Variants in KCNN2 observed in about 807,000 individuals in gnomAD.
KCNN2 encodes small conductance calcium-activated potassium channel protein 2.
Under a neutral mutation model 55.5 loss-of-function variants are expected in KCNN2, and 24 were observed. The observed-to-expected ratio is 0.43, with a 90% confidence interval of 0.31 to 0.61. KCNN2 has a LOEUF of 0.61. KCNN2 is among the 20% of genes least tolerant of loss of function. The probability of loss-of-function intolerance (pLI) is 0.08; values close to 1 mark genes in which losing one functional copy is unlikely to be tolerated. For synonymous variants in KCNN2, 431 were observed against 336.1 expected (o/e 1.28, Z -3.09); for missense variants, 754 against 853.6 (o/e 0.88, Z 1.45).
At chr5:114,372,235 A>G (rs2150051304) in intron 2 of KCNN2, among the ~76,000 whole-genome samples, 1 of 152,012 alleles carries the variant, frequency 6.6e-6, no homozygotes, top group African/African-American at 2.4e-5. Context: ...GACACATTTG[A>G]CTCTTCTTTC....
At chr5:114,202,664 G>A (rs1210709816) in intron 1 of KCNN2, among the ~76,000 whole-genome samples, 3 of 144,352 alleles carry the variant, frequency 2.1e-5, no homozygotes, top group Non-Finnish European at 4.5e-5. Flanking sequence ...TCGGCTCACT[G>A]CAAGCTCCTC....
At chr5:114,360,065 G>T (rs1288322069), upstream of KCNN2, among the ~76,000 whole-genome samples, 1 of 152,080 alleles carries the variant, frequency 6.6e-6, no homozygotes, top group Non-Finnish European at 1.5e-5. Flanking sequence ...AAAACAAAAT[G>T]CTGTCTCTGA....
At chr5:114,257,034 T>C (rs957682885) in intron 2 of KCNN2, among the ~76,000 whole-genome samples, 1 of 152,238 alleles carries the variant, frequency 6.6e-6, no homozygotes, top group Non-Finnish European at 1.5e-5. Context: ...AGTTAATTTC[T>C]GTATATGGTG....
chr5:114,240,526 G>A (rs1754596745), intron 2 of KCNN2, among the ~76,000 whole-genome samples: 1 of 149,774 alleles, frequency 6.7e-6, no homozygotes. Context: ...CACTTTCCCA[G>A]TTTCAAACAA....
intron 2 of KCNN2, among the ~76,000 whole-genome samples, chr5:114,247,202 CAAA>C (rs370172975): frequency 2.9e-5 from 2 of 68,094 alleles, no homozygotes; most frequent in African/African-American, 5.8e-5. Context: ...CATATGTCTC[CAAA>C]AAAAAAAAAA....
intron 1 of KCNN2, among the ~76,000 whole-genome samples, chr5:114,201,102 A>G (rs961064391): frequency 6.6e-5 from 10 of 151,896 alleles, no homozygotes; most frequent in African/African-American, 2.4e-4. Context: ...TGATGGCTGT[A>G]GCAGCTGTGG....
At chr5:114,081,119 T>C (rs558273902) in intron 1 of KCNN2, among the ~76,000 whole-genome samples, 158 of 152,194 alleles carry the variant, frequency 1.0e-3, no homozygotes, top group Middle Eastern at 0.01. Flanking sequence ...ACCTATACAA[T>C]GAAAGTTACA....
intron 2 of KCNN2, among the ~76,000 whole-genome samples, chr5:114,396,112 G>T (rs540983655): frequency 2.0e-5 from 3 of 151,994 alleles, no homozygotes; most frequent in Non-Finnish European, 2.9e-5. Flanking sequence ...ACCACCATCC[G>T]CTGTGTTTCT....
At chr5:114,246,428 A>G (rs1214924136) in intron 2 of KCNN2, among the ~76,000 whole-genome samples, 2 of 152,166 alleles carry the variant, frequency 1.3e-5, no homozygotes, top group Non-Finnish European at 2.9e-5. Flanking sequence ...ATGGTTATGA[A>G]TACTTATCTA....
chr5:114,278,405 G>A (rs1755537627), intron 2 of KCNN2, among the ~76,000 whole-genome samples: 1 of 152,222 alleles, frequency 6.6e-6, no homozygotes, highest in Non-Finnish European at 1.5e-5. Flanking sequence ...GGACATTTAA[G>A]TCTGGAGAAG....
chr5:114,362,562 G>C lies in KCNN2; in HGVS notation c.423G>C (p.Gln141His), dbSNP rs998716846. 8 of 622,922 alleles carry C rather than the reference G, an allele frequency of 1.3e-5. No homozygotes were observed. Among genetic ancestry groups the C allele is most frequent in the African/African-American group, 9.8e-5 (5 of 50,886 alleles). 38.6% of individuals were successfully genotyped at this position (622,922 alleles called of 1,614,324 possible). Residue 141 changes from glutamine (Q) to histidine (H), a missense_variant, in exon 1 of 8, where the codon CAG becomes CAC. By Grantham distance (24) the Gln-to-His change is conservative. Around this residue, in one of 4 missense-constraint regions of KCNN2, gnomAD observed 381 missense variants for 259.1 expected, o/e 1.47. Coordinates refer to ENST00000673685, the MANE Select transcript of KCNN2 (RefSeq NM_021614.4). ...CCAGCCATGCCAGTGCGCTCCGGCAGCAGTACGCGCAGCAGTCCGCGCAGC... is the reference window on the plus strand; with the variant it reads ...CCAGCCATGCCAGTGCGCTCCGGCACCAGTACGCGCAGCAGTCCGCGCAGC... ...TPSSHASALR[Q>H]QYAQQSAQQS...
intron 1 of KCNN2, among the ~76,000 whole-genome samples, chr5:114,150,881 C>T (rs1003974603): frequency 6.6e-6 from 1 of 152,066 alleles, no homozygotes; most frequent in African/African-American, 2.4e-5. Context: ...ATTAGCCATG[C>T]ATGGTGGTGC....
At chr5:114,284,065 A>G (rs934702731) in intron 2 of KCNN2, among the ~76,000 whole-genome samples, 165 of 152,120 alleles carry the variant, frequency 1.1e-3, no homozygotes, top group African/African-American at 3.8e-3. Context: ...AGGACCTTGA[A>G]CCTCACACCT....
At chr5:114,071,335 A>G (rs113314412) in intron 1 of KCNN2, among the ~76,000 whole-genome samples, 4 of 152,176 alleles carry the variant, frequency 2.6e-5, no homozygotes, top group Non-Finnish European at 5.9e-5. Context: ...TTCAACTCCT[A>G]ACCCTTGTGA....
chr5:114,366,327 T>G (rs1388928117), intron 2 of KCNN2, among the ~76,000 whole-genome samples: 1 of 152,220 alleles, frequency 6.6e-6, no homozygotes, highest in Non-Finnish European at 1.5e-5. Flanking sequence ...AAATTCGGTT[T>G]ATTTTATATG....
chr5:114,430,429 G>T (rs1759755927), intron 3 of KCNN2, among the ~76,000 whole-genome samples: 1 of 151,964 alleles, frequency 6.6e-6, no homozygotes, highest in Non-Finnish European at 1.5e-5. Context: ...CTGATACATA[G>T]AAAAGTAATA....
chr5:114,384,839 G>A (rs1264805851), intron 2 of KCNN2, among the ~76,000 whole-genome samples: 1 of 152,118 alleles, frequency 6.6e-6, no homozygotes, highest in Admixed American at 6.5e-5. Context: ...GAGAGGGAAG[G>A]GAGTGGGAGC....
chr5:114,261,525 C>A (rs1288189892), intron 2 of KCNN2, among the ~76,000 whole-genome samples: 44 of 152,160 alleles, frequency 2.9e-4, no homozygotes, highest in Admixed American at 2.8e-3. Context: ...TCCAAAAAGG[C>A]AGAGGGCCAG....
intron 2 of KCNN2, among the ~76,000 whole-genome samples, chr5:114,383,945 C>G (rs1009493808): frequency 2.0e-5 from 3 of 152,170 alleles, no homozygotes; most frequent in Non-Finnish European, 4.4e-5. Context: ...TATCATGTGC[C>G]TACTGAGAAC....
Sources: gnomAD v4.1 joint callset for allele counts (sites outside exome capture counted in the v4.1 genomes callset) on GRCh38, gnomAD v4.1.1 for gene constraint, gnomAD v4.1.1 regional missense constraint, MANE v1.5 for transcripts, NCBI Gene and HGNC (gene_info 2026-07-23, HGNC 2026-07-21) for gene names.